Variants in PTK2 observed in about 807,000 individuals in gnomAD.
PTK2 encodes the protein protein tyrosine kinase 2.
In PTK2, 45 loss-of-function variants were observed where a neutral mutation model predicts 150.1. The observed-to-expected ratio is 0.30, with a 90% confidence interval of 0.24 to 0.38. The LOEUF (loss-of-function observed/expected upper bound fraction) is 0.38, where lower values mean the gene tolerates loss of function less well. PTK2 is among the 10% of genes least tolerant of loss of function. PTK2 has a pLI of 1.00. For missense variants in PTK2, 919 were observed against 1,307.3 expected (o/e 0.70, Z 4.58); for synonymous variants, 432 against 449.2 (o/e 0.96, Z 0.48).
intron 23 of PTK2, 127 bp downstream of exon 26, chr8:140,717,471 G>T: frequency 1.4e-6 from 1 of 694,820 alleles, no homozygotes; most frequent in East Asian, 2.7e-5. Flanking sequence ...CAATTAGTTG[G>T]TGTTATAACT....
intron 2 of PTK2, among the ~76,000 whole-genome samples, chr8:140,906,607 A>G (rs2100160974): frequency 6.6e-6 from 1 of 152,226 alleles, no homozygotes; most frequent in Admixed American, 6.5e-5. Context: ...TAGGAGCTAA[A>G]AAAAGTGAAT....
intron 7 of PTK2, among the ~76,000 whole-genome samples, chr8:140,837,043 A>C (rs2100119059): frequency 6.6e-6 from 1 of 152,204 alleles, no homozygotes; most frequent in Non-Finnish European, 1.5e-5. Flanking sequence ...TTGGTTTGTC[A>C]ATATCAGCAA....
intron 3 of PTK2, among the ~76,000 whole-genome samples, chr8:140,880,361 G>C (rs1349986666): frequency 6.6e-6 from 1 of 152,210 alleles, no homozygotes; most frequent in Non-Finnish European, 1.5e-5. Flanking sequence ...GCAATGGACA[G>C]GTTAAGTGTT....
At chr8:140,906,481 C>T (rs1376126196) in intron 2 of PTK2, among the ~76,000 whole-genome samples, 1 of 152,122 alleles carries the variant, frequency 6.6e-6, no homozygotes, top group Non-Finnish European at 1.5e-5. Context: ...TATTATTCAG[C>T]AACAGAAGAA....
At chr8:140,774,969 A>G (rs1232623187) in intron 14 of PTK2, among the ~76,000 whole-genome samples, 1 of 152,238 alleles carries the variant, frequency 6.6e-6, no homozygotes, top group Non-Finnish European at 1.5e-5. Context: ...TGTTTAGAAT[A>G]TAATCAAGAA....
At chr8:140,886,072 T>C (rs148958000) in intron 3 of PTK2, among the ~76,000 whole-genome samples, 139 of 152,224 alleles carry the variant, frequency 9.1e-4, no homozygotes, top group Non-Finnish European at 1.9e-3. Context: ...GGAGGCAATA[T>C]GAAATGGGTA....
At chr8:140,849,061 A>T (rs1048594858) in intron 5 of PTK2, among the ~76,000 whole-genome samples, 3 of 152,232 alleles carry the variant, frequency 2.0e-5, no homozygotes, top group African/African-American at 4.8e-5. Context: ...ATCTTCATTT[A>T]AAAAATCTCA....
chr8:140,933,702 A>G (rs1274995642), intron 1 of PTK2, among the ~76,000 whole-genome samples: 1 of 152,240 alleles, frequency 6.6e-6, no homozygotes, highest in African/African-American at 2.4e-5. Flanking sequence ...AGGCAAATCT[A>G]TAAGAAAGTA....
At chr8:140,907,831 T>A (rs1013040420) in intron 2 of PTK2, among the ~76,000 whole-genome samples, 4 of 152,150 alleles carry the variant, frequency 2.6e-5, no homozygotes, top group Admixed American at 2.0e-4. Context: ...TCCTAACTGC[T>A]CCACCAACCC....
Position 140,737,095 on chromosome 8 carries a change from G to A in PTK2, c.1826-1640C>T, listed in dbSNP as rs113709370. ...GTAGCAACACTGGATATAATTTCTT[G>A]AGAACTTAATGTGTTCCTGGCACAC... On this transcript the variant is annotated intron_variant, in intron 21 of 31. Transcript: ENST00000522684. Among the ~76,000 whole-genome samples the A allele has an allele frequency of 4.5e-3, 681 of 152,184 alleles. 8 individuals carry two copies. The highest frequency in any genetic ancestry group is 0.015 in the African/African-American group (617 of 41,530).
Position 140,870,217 on chromosome 8 carries a change from A to G in PTK2, c.363-5818T>C, listed in dbSNP as rs149419491. ...ATGCAACAAAATAAAATCAATAACCAATAATCTTTTCTTTTATAAGCACAT... is the reference window on the plus strand; with the variant it reads ...ATGCAACAAAATAAAATCAATAACCGATAATCTTTTCTTTTATAAGCACAT... On this transcript the variant is annotated intron_variant, in intron 4 of 31. Coordinates refer to ENST00000522684, the Ensembl canonical transcript of PTK2. 2.1e-4 allele frequency among the ~76,000 whole-genome samples: 32 copies of G among 152,302 alleles called. No homozygotes were observed. The East Asian group carries it at 6.2e-3, about 29-fold the overall frequency.
rs369240531 is a variant in PTK2, at chr8:140,937,092, A to G, written c.-121-11343T>C. On this transcript the variant is annotated intron_variant, in intron 1 of 31. Coordinates refer to ENST00000522684, the Ensembl canonical transcript of PTK2. ...AGCATTTGATTTCTGATCCTAGACAAATAAGATTTATATTAATGTAATACA... is the reference window on the plus strand; with the variant it reads ...AGCATTTGATTTCTGATCCTAGACAGATAAGATTTATATTAATGTAATACA... Among the ~76,000 whole-genome samples, 12 of 152,292 alleles carry G rather than the reference A, an allele frequency of 7.9e-5. No individual in the cohort carries two copies. In the East Asian group the frequency reaches 2.3e-3, roughly 29 times the overall value.
chr8:140,945,405 TGA>T (rs1425040334), intron 1 of PTK2, among the ~76,000 whole-genome samples: 3 of 152,050 alleles, frequency 2.0e-5, no homozygotes, highest in Non-Finnish European at 4.4e-5. Context: ...GGCAGCATAG[TGA>T]GAGCCTTCCT....
intron 1 of PTK2, among the ~76,000 whole-genome samples, chr8:140,974,287 T>C (rs1441604935): frequency 1.3e-5 from 2 of 152,146 alleles, no homozygotes; most frequent in African/African-American, 4.8e-5. Flanking sequence ...ACATTTCTAA[T>C]CCAACTGAGG....
chr8:140,674,062 A>G (rs1384212679), intron 29 of PTK2: 11 of 658,492 alleles, frequency 1.7e-5, no homozygotes, highest in African/African-American at 5.3e-5. Context: ...CTGAATTCCT[A>G]AAATCTATTA....
chr8:140,750,634 C>T (rs1041173024), intron 17 of PTK2, among the ~76,000 whole-genome samples: 2 of 152,188 alleles, frequency 1.3e-5, no homozygotes, highest in African/African-American at 4.8e-5. Flanking sequence ...AGGAACATCA[C>T]CGCTTGAGGG....
chr8:140,764,576 G>C, intron 14 of PTK2: 1 of 441,490 alleles, frequency 2.3e-6, no homozygotes, highest in African/African-American at 2.0e-5. Context: ...CTATGTATAT[G>C]CTTCAAATTA....
intron 13 of PTK2, among the ~76,000 whole-genome samples, chr8:140,791,691 A>C (rs2100088538): frequency 2.6e-5 from 4 of 152,200 alleles, no homozygotes; most frequent in South Asian, 4.1e-4. Context: ...TGAGGTTTCT[A>C]CAGGAAGTGA....
intron 3 of PTK2, among the ~76,000 whole-genome samples, chr8:140,887,565 ACTC>A (rs560910427): frequency 4.6e-4 from 70 of 152,078 alleles, no homozygotes; most frequent in African/African-American, 1.6e-3. Flanking sequence ...AAATCTTTAA[ACTC>A]CTCAAAAAGT....
Sources: allele counts gnomAD v4.1 joint callset (sites outside exome capture counted in the v4.1 genomes callset), GRCh38; gene constraint gnomAD v4.1.1; transcripts MANE v1.5; gene names NCBI Gene and HGNC (gene_info 2026-07-23, HGNC 2026-07-21).